HTR3A: variants seen among roughly 807,000 people sequenced by gnomAD.
The protein encoded by HTR3A is 5-hydroxytryptamine (serotonin) receptor 3A, ionotropic.
In HTR3A, 45 loss-of-function variants were observed where a neutral mutation model predicts 54.8. That is an observed-to-expected ratio of 0.82 (90% confidence interval 0.65 to 1.05). The LOEUF is 1.05. HTR3A is among the 50% of genes least tolerant of loss of function. The probability of loss-of-function intolerance (pLI) is 0.00; values close to 1 mark genes in which losing one functional copy is unlikely to be tolerated. For missense variants in HTR3A, 657 were observed against 614.0 expected (o/e 1.07, Z -0.74); for synonymous variants, 297 against 256.0 (o/e 1.16, Z -1.53).
chr11:113,977,754 A>C lies in HTR3A; in HGVS notation c.68-17A>C. On this transcript the variant is annotated splice_polypyrimidine_tract_variant and intron_variant, in intron 1 of 8. Coordinates refer to ENST00000504030, the MANE Select transcript of HTR3A (RefSeq NM_000869.6). ...CTTGGGGGGCTGGTGTCTACTTTGA[A>C]CTGTTCTCCTTCCCAGCCAGGAGGA... is the stretch of plus-strand genomic sequence containing the variant. The C allele has an allele frequency of 6.2e-7, 1 of 1,613,494 alleles. No homozygotes were observed. The highest frequency in any genetic ancestry group is 1.1e-5 in the South Asian group (1 of 90,976).
In HTR3A at chr11:113,975,215, C is replaced by T; in HGVS notation, c.-111C>T. 9.8e-7 allele frequency: 1 copy of T among 1,023,980 alleles called. No homozygotes were observed. The highest frequency in any genetic ancestry group is 1.5e-6 in the Non-Finnish European group (1 of 669,588). The allele number at this position is 1,023,980 out of a possible 1,614,324, so 63.4% of individuals were successfully genotyped here. The stretch of plus-strand genomic sequence containing the variant: ...AGCCTCAGAAGGTGTGAGCAGTGGC[C>T]ACGAGAGGCAGGCTGGCTGGGACAT... On this transcript the variant is annotated 5_prime_UTR_variant, in exon 1 of 9. Coordinates refer to ENST00000504030, the MANE Select transcript of HTR3A (RefSeq NM_000869.6).
intron 6 of HTR3A, 142 bp from the exon 7 acceptor site, chr11:113,986,376 G>C: frequency 9.4e-7 from 1 of 1,066,396 alleles, no homozygotes; most frequent in South Asian, 1.4e-5. Context: ...TTGAGAGGCA[G>C]GGTATGGGGG....
rs765855482 is a variant in HTR3A at position 113,989,739 on chromosome 11, C to G, written c.1413C>G (p.Leu471=). Residue 471 remains leucine, a synonymous_variant, in exon 9 of 9, where the codon CTC becomes CTG. Transcript: ENST00000504030. The surrounding 1 kb of genome is among the most constrained non-coding windows in gnomAD (Gnocchi z 4.4). ...VLAYSITLVM[L]WSIWQYA ...CCTACAGCATCACCCTGGTTATGCT[C>G]TGGTCCATCTGGCAGTACGCTTGAG... 2.5e-6 allele frequency: 4 copies of G among 1,612,172 alleles called. No individual in the cohort carries two copies. In the African/African-American group the frequency reaches 4.0e-5, roughly 16 times the overall value.
chr11:113,989,869 G>A lies in HTR3A; in HGVS notation c.*106G>A, dbSNP rs757641807. The A allele has an allele frequency of 2.8e-5, 36 of 1,272,056 alleles. No individual in the cohort carries two copies. Among genetic ancestry groups the A allele is most frequent in the Non-Finnish European group, 3.8e-5 (34 of 884,808 alleles). 78.8% of individuals were successfully genotyped at this position (1,272,056 alleles called of 1,614,324 possible). A position where few individuals can be genotyped will look rare whatever the true frequency, so the allele number is the denominator to read the frequency against. On this transcript the variant is annotated 3_prime_UTR_variant, in exon 9 of 9. Transcript: ENST00000504030. This position sits in a 1 kb window ranked among gnomAD's most constrained non-coding sequence, Gnocchi z 4.4. Reference sequence around the variant, plus strand: ...CAGGGAATGCCAGGGACATTTTCAAGACACAGACAAAGTCCCGTGCCCTGT... The same window carrying A: ...CAGGGAATGCCAGGGACATTTTCAAAACACAGACAAAGTCCCGTGCCCTGT...
At position 113,983,309 on chromosome 11, in the gene HTR3A, C is replaced by T. The variant is rs374863613; in HGVS notation, c.544+20C>T. The T allele has an allele frequency of 3.0e-5, 49 of 1,612,980 alleles. No individual in the cohort carries two copies. Among genetic ancestry groups the T allele is most frequent in the Non-Finnish European group, 3.9e-5 (46 of 1,179,982 alleles). On this transcript the variant is annotated intron_variant, in intron 5 of 8. Transcript: ENST00000504030. ...ACACCAGTGAGTATGTGGGCTTCGCCGGGACAGGGGTGGAGGTTGGGGGAC... is the reference window on the plus strand; with the variant it reads ...ACACCAGTGAGTATGTGGGCTTCGCTGGGACAGGGGTGGAGGTTGGGGGAC...
rs1470570626 is a variant in HTR3A at position 113,989,746 on chromosome 11, A to G, written c.1420A>G (p.Ile474Val). 3 of 1,611,726 alleles carry G rather than the reference A, an allele frequency of 1.9e-6. No homozygotes were observed. Among genetic ancestry groups the G allele is most frequent in the Non-Finnish European group, 2.5e-6 (3 of 1,180,022 alleles). Reference sequence around the variant, plus strand: ...CATCACCCTGGTTATGCTCTGGTCCATCTGGCAGTACGCTTGAGTGGGTAC... The same window carrying G: ...CATCACCCTGGTTATGCTCTGGTCCGTCTGGCAGTACGCTTGAGTGGGTAC... ...YSITLVMLWS[I>V]WQYA The change falls in exon 9 of 9, where the codon ATC becomes GTC. Residue 474 changes from isoleucine (I) to valine (V), a missense_variant. Ile to Val is a conservative substitution (Grantham distance 29). Coordinates refer to ENST00000504030, the MANE Select transcript of HTR3A (RefSeq NM_000869.6). This position sits in a 1 kb window ranked among gnomAD's most constrained non-coding sequence, Gnocchi z 4.4.
chr11:113,989,998 T>A lies in HTR3A; in HGVS notation c.*235T>A. On this transcript the variant is annotated 3_prime_UTR_variant, in exon 9 of 9. Transcript: ENST00000504030. The surrounding 1 kb of genome is among the most constrained non-coding windows in gnomAD (Gnocchi z 4.4). ...ACACCCTTGTCCCACCCCCAGCAGC[T>A]CACCATGGCTTTAAAACATGCTGTC... 1 of 677,818 alleles carries A rather than the reference T, an allele frequency of 1.5e-6. No individual in the cohort carries two copies. Among genetic ancestry groups the A allele is most frequent in the Non-Finnish European group, 2.7e-6 (1 of 371,468 alleles). 42.0% of individuals were successfully genotyped at this position (677,818 alleles called of 1,614,324 possible). A position where few individuals can be genotyped will look rare whatever the true frequency, so the allele number is the denominator to read the frequency against.
At chr11:113,983,065 C>T in intron 4 of HTR3A, 55 bp from the exon 5 acceptor site, 1 of 1,605,310 alleles carries the variant, frequency 6.2e-7, no homozygotes, top group South Asian at 1.1e-5. Flanking sequence ...TCTTCAGGCA[C>T]CCAGAGCTTG....
chr11:113,977,503 T>C, intron 1 of HTR3A: 1 of 1,550,302 alleles, frequency 6.5e-7, no homozygotes, highest in Non-Finnish European at 8.7e-7. Flanking sequence ...GAATCTCAGC[T>C]GTCTTGTGCC....
intron 3 of HTR3A, among the ~76,000 whole-genome samples, chr11:113,980,242 GT>G (rs1250522043): frequency 6.6e-6 from 1 of 152,246 alleles, no homozygotes; most frequent in East Asian, 1.9e-4. Context: ...TGCATCAGCA[GT>G]GAGGGAATGA....
At chr11:113,979,917 A>T (rs751625405) in intron 3 of HTR3A, among the ~76,000 whole-genome samples, 2 of 152,156 alleles carry the variant, frequency 1.3e-5, no homozygotes, top group Admixed American at 6.5e-5. Context: ...AAGCATGAGG[A>T]CAGCTCACAG....
Position 113,983,125 on chromosome 11 carries a change from A to G in HTR3A, c.380A>G (p.Asp127Gly). The G allele has an allele frequency of 6.2e-7, 1 of 1,614,148 alleles. No individual in the cohort carries two copies. The highest frequency in any genetic ancestry group is 8.5e-7 in the Non-Finnish European group (1 of 1,180,028). ...VPDILINEFV[D>G]VGKSPNIPYV... is the part of the protein sequence containing the mutation. ...AACCCCTTTTCCCCCGCCAGCGTGG[A>G]TGTGGGGAAGTCTCCAAATATCCCG... The change falls in exon 5 of 9, where the codon GAT (aspartate) becomes GGT (glycine). Residue 127 changes from aspartate to glycine, a missense_variant. Asp to Gly is a moderately conservative substitution (Grantham distance 94). Coordinates refer to ENST00000504030, the MANE Select transcript of HTR3A (RefSeq NM_000869.6).
rs932079292 is a variant in HTR3A at position 113,989,108 on chromosome 11, C to A, written c.1139-357C>A. ...TCCACGGTGGCTCACACCTGTAATC[C>A]CAGCACCACGGGAGGCCAAAGTAGG... On this transcript the variant is annotated intron_variant, in intron 8 of 8. Coordinates refer to ENST00000504030, the MANE Select transcript of HTR3A (RefSeq NM_000869.6). The surrounding 1 kb of genome is among the most constrained non-coding windows in gnomAD (Gnocchi z 4.4). 9.9e-5 allele frequency among the ~76,000 whole-genome samples: 15 copies of A among 151,834 alleles called. No individual in the cohort carries two copies. The highest frequency in any genetic ancestry group is 1.6e-4 in the Non-Finnish European group (11 of 67,980).
In HTR3A at chr11:113,989,288, G is replaced by A. The variant is rs951790807; in HGVS notation, c.1139-177G>A. Among the ~76,000 whole-genome samples the A allele has an allele frequency of 3.3e-5, 5 of 151,992 alleles. No individual in the cohort carries two copies. The highest frequency in any genetic ancestry group is 6.6e-5 in the Admixed American group (1 of 15,262). The stretch of plus-strand genomic sequence containing the variant: ...TGAGGCAGGAGAATTGCTTGAACTC[G>A]GGAGGCGGAGGTTGCAGTGAGCTTA... On this transcript the variant is annotated intron_variant, in intron 8 of 8. Transcript: ENST00000504030. This position sits in a 1 kb window ranked among gnomAD's most constrained non-coding sequence, Gnocchi z 4.4.
chr11:113,978,243 A>G (rs938909485), intron 2 of HTR3A, among the ~76,000 whole-genome samples: 1 of 152,166 alleles, frequency 6.6e-6, no homozygotes, highest in African/African-American at 2.4e-5. Flanking sequence ...ATGCATCTCT[A>G]TGCTCCCAGT....
chr11:113,981,863 C>G (rs967235621), intron 4 of HTR3A, among the ~76,000 whole-genome samples: 2 of 151,532 alleles, frequency 1.3e-5, no homozygotes, highest in African/African-American at 2.4e-5. Flanking sequence ...GCAGCTGAGG[C>G]AGGAGAATTG....
intron 8 of HTR3A, among the ~76,000 whole-genome samples, chr11:113,988,797 A>G (rs1363562198): frequency 6.6e-6 from 1 of 151,206 alleles, no homozygotes; most frequent in African/African-American, 2.4e-5. Context: ...CAAACAAACA[A>G]ACAGAATAGT....
At chr11:113,979,851 G>T (rs1053764448) in intron 3 of HTR3A, among the ~76,000 whole-genome samples, 2 of 152,176 alleles carry the variant, frequency 1.3e-5, no homozygotes, top group African/African-American at 2.4e-5. Flanking sequence ...AGCCCCTGGG[G>T]TTGTTGGGAA....
intron 8 of HTR3A, 136 bp downstream of exon 8, chr11:113,987,182 T>G (rs912499782): frequency 1.1e-6 from 1 of 916,642 alleles, no homozygotes; most frequent in African/African-American, 1.6e-5. Context: ...TTACTTGGGG[T>G]GGGGGCAGCC....
Sources: gnomAD v4.1 joint callset for allele counts (sites outside exome capture counted in the v4.1 genomes callset) on GRCh38, gnomAD v4.1.1 for gene constraint, Gnocchi (gnomAD v3.1) non-coding constraint, MANE v1.5 for transcripts, NCBI Gene and HGNC (gene_info 2026-07-23, HGNC 2026-07-21) for gene names.